CACNG7: variants seen among roughly 807,000 people sequenced by gnomAD.
CACNG7 encodes calcium voltage-gated channel auxiliary subunit gamma 7, also known as voltage-dependent calcium channel gamma-7 subunit.
In CACNG7, 9 loss-of-function variants were observed where a neutral mutation model predicts 26.3. The ratio of observed to expected loss-of-function variants is 0.34; its 90% CI spans 0.21 to 0.60. The LOEUF is 0.60. Ranked by LOEUF, CACNG7 falls within the 20% of genes least tolerant of loss-of-function variation. The pLI, the probability that CACNG7 is intolerant of heterozygous loss-of-function variation, is 0.81. For synonymous variants in CACNG7, 170 were observed against 157.0 expected, an observed-to-expected ratio of 1.08 and a Z score of -0.62; for missense variants, 297 against 380.4, an observed-to-expected ratio of 0.78 and a Z score of 1.82.
In CACNG7 at chr19:53,928,151, C is replaced by T. The variant is rs1028349617; in HGVS notation, c.424+12646C>T. On this transcript the variant is annotated intron_variant, in intron 4 of 5. Transcript: ENST00000391767. The stretch of plus-strand genomic sequence containing the variant: ...CAAAATGGCCAGAAAGAAAAAGCAA[C>T]GATAAGAATGACTTACTACAAAGAA... 4.6e-5 allele frequency among the ~76,000 whole-genome samples: 7 copies of T among 152,010 alleles called. No homozygotes were observed. In the East Asian group the frequency reaches 5.8e-4, roughly 13 times the overall value.
At position 53,923,754 on chromosome 19, in the gene CACNG7, G is replaced by A. The variant is rs559277600; in HGVS notation, c.424+8249G>A. Among the ~76,000 whole-genome samples the A allele has an allele frequency of 8.8e-4, 116 of 131,724 alleles. 1 individual carries two copies. The highest frequency in any genetic ancestry group is 3.3e-3 in the African/African-American group (98 of 29,660). The allele number at this position is 131,724 out of a possible 152,430, so 86.4% of individuals were successfully genotyped here. ...TGGAGTTGCCCCAGGTCTGGTCATT[G>A]GTGGAGTTGCCCCAGGTCTGGTCAT... On this transcript the variant is annotated intron_variant, in intron 4 of 5. Transcript: ENST00000391767.
At chr19:53,924,445 G>T (rs2069003966) in intron 4 of CACNG7, among the ~76,000 whole-genome samples, 1 of 145,772 alleles carries the variant, frequency 6.9e-6, no homozygotes, top group Admixed American at 6.9e-5. Context: ...TGGTGGAGTT[G>T]TCCCAGGTCT....
Position 53,939,088 on chromosome 19 carries a change from C to T in CACNG7, c.425-2382C>T, listed in dbSNP as rs1032457479. The stretch of plus-strand genomic sequence containing the variant: ...CCTGGTCAACATTGTGAAGCCCTGT[C>T]TCTACTAAAAATACAAAAATTAGCC... On this transcript the variant is annotated intron_variant, in intron 4 of 5. Coordinates refer to ENST00000391767, the MANE Select transcript of CACNG7 (RefSeq NM_031896.5). This position sits in a 1 kb window ranked among gnomAD's most constrained non-coding sequence, Gnocchi z 4.2. Among the ~76,000 whole-genome samples, 1 of 152,182 alleles carries T rather than the reference C, an allele frequency of 6.6e-6. No homozygotes were observed. The highest frequency in any genetic ancestry group is 1.5e-5 in the Non-Finnish European group (1 of 68,052).
chr19:53,923,968 T>C (rs1301073624), intron 4 of CACNG7, among the ~76,000 whole-genome samples: 2 of 126,982 alleles, frequency 1.6e-5, no homozygotes, highest in Admixed American at 7.9e-5. Context: ...AGGTCTGGTA[T>C]TGGTGGAGTT....
At chr19:53,932,700 T>A (rs897616412) in intron 4 of CACNG7, among the ~76,000 whole-genome samples, 2 of 152,164 alleles carry the variant, frequency 1.3e-5, no homozygotes, top group African/African-American at 4.8e-5. Flanking sequence ...CCCTCTCCTA[T>A]TTTTTTCTGG....
chr19:53,925,606 T>G (rs562653143), intron 4 of CACNG7, among the ~76,000 whole-genome samples: 1 of 152,106 alleles, frequency 6.6e-6, no homozygotes, highest in African/African-American at 2.4e-5. Context: ...ATTGGGGGAG[T>G]TGCCCCAGGT....
In CACNG7 at chr19:53,928,075, A is replaced by G. The variant is rs372062704; in HGVS notation, c.424+12570A>G. Among the ~76,000 whole-genome samples, 60 of 77,178 alleles carry G rather than the reference A, an allele frequency of 7.8e-4. No homozygotes were observed. In the African/African-American group the frequency reaches 8.5e-3, roughly 11 times the overall value. The allele number at this position is 77,178 out of a possible 152,430, so 50.6% of individuals were successfully genotyped here. ...GAGATAGAAAGGAGGAAGGGAGGGGAGAAAAAGAGAAAGGGAAAATAAGGT... is the reference window on the plus strand; with the variant it reads ...GAGATAGAAAGGAGGAAGGGAGGGGGGAAAAAGAGAAAGGGAAAATAAGGT... On this transcript the variant is annotated intron_variant, in intron 4 of 5. Coordinates refer to ENST00000391767, the MANE Select transcript of CACNG7 (RefSeq NM_031896.5).
At chr19:53,913,370 C>T (rs2068872974) in intron 2 of CACNG7, among the ~76,000 whole-genome samples, 1 of 151,746 alleles carries the variant, frequency 6.6e-6, no homozygotes, top group Non-Finnish European at 1.5e-5. Flanking sequence ...GCCTGTAATC[C>T]CAGCACTTTG....
At chr19:53,924,404 T>G in intron 4 of CACNG7, among the ~76,000 whole-genome samples, 1 of 145,188 alleles carries the variant, frequency 6.9e-6, no homozygotes, top group African/African-American at 2.6e-5. Context: ...CCAGGCCTGG[T>G]CATTGGTGGA....
intron 4 of CACNG7, among the ~76,000 whole-genome samples, chr19:53,924,456 G>T (rs2069004207): frequency 6.7e-6 from 1 of 150,284 alleles, no homozygotes; most frequent in African/African-American, 2.5e-5. Context: ...TCCCAGGTCT[G>T]GTCATTGGTG....
At chr19:53,927,769 C>T (rs1413504627) in intron 4 of CACNG7, among the ~76,000 whole-genome samples, 4 of 147,578 alleles carry the variant, frequency 2.7e-5, no homozygotes, top group African/African-American at 5.0e-5. Flanking sequence ...ACCCGGGAGG[C>T]GGAGGTTGCA....
At chr19:53,941,174 C>G (rs2069135187) in intron 4 of CACNG7, among the ~76,000 whole-genome samples, 1 of 152,208 alleles carries the variant, frequency 6.6e-6, no homozygotes, top group Non-Finnish European at 1.5e-5. Context: ...TCCCACACAG[C>G]GTGCTACTTC....
chr19:53,923,635 G>A (rs1194320680), intron 4 of CACNG7, among the ~76,000 whole-genome samples: 7 of 143,228 alleles, frequency 4.9e-5, no homozygotes, highest in Admixed American at 2.7e-4. Context: ...GTTGTCCCAG[G>A]TCTGGTCATT....
chr19:53,919,624 T>C (rs1394672570), intron 4 of CACNG7, among the ~76,000 whole-genome samples: 32 of 137,296 alleles, frequency 2.3e-4, no homozygotes, highest in African/African-American at 8.4e-4. Context: ...AGGCTGGTCA[T>C]TGGTGGACTT....
rs772758283 is a variant in CACNG7, at chr19:53,914,548, A to T, written c.245A>T (p.Glu82Val). 3.1e-6 allele frequency: 5 copies of T among 1,613,932 alleles called. No individual in the cohort carries two copies. Residue 82 changes from glutamate to valine, a missense_variant, in exon 3 of 6, where the codon GAG (glutamate) becomes GTG (valine). By Grantham distance (121) the Glu-to-Val change is moderately radical. Transcript: ENST00000391767. Reference sequence around the variant, plus strand: ...GCCTCAGAATATTTTCTTGAACCGGAGATCAATTTGGTGACGGAAAACACG... The same window carrying T: ...GCCTCAGAATATTTTCTTGAACCGGTGATCAATTTGGTGACGGAAAACACG... The part of the protein sequence containing the change: ...CVASEYFLEP[E>V]INLVTENTEN...
chr19:53,924,555 C>T (rs1361703726), intron 4 of CACNG7, among the ~76,000 whole-genome samples: 5 of 147,978 alleles, frequency 3.4e-5, no homozygotes, highest in African/African-American at 5.0e-5. Context: ...TGGAGTTGTC[C>T]GAGGTCTGGT....
intron 4 of CACNG7, among the ~76,000 whole-genome samples, chr19:53,926,109 G>A (rs1344148147): frequency 1.3e-5 from 2 of 152,200 alleles, no homozygotes; most frequent in Non-Finnish European, 2.9e-5. Flanking sequence ...TGTAGCCCAT[G>A]TGCACTCACT....
chr19:53,915,627 C>G lies in CACNG7; in HGVS notation c.424+122C>G, dbSNP rs2068892404. The G allele has an allele frequency of 1.5e-5, 16 of 1,093,782 alleles. No individual in the cohort carries two copies. The East Asian group carries it at 4.1e-4, about 28-fold the overall frequency. The allele number at this position is 1,093,782 out of a possible 1,614,324, so 67.8% of individuals were successfully genotyped here. A position where few individuals can be genotyped will look rare whatever the true frequency, so the allele number is the denominator to read the frequency against. On this transcript the variant is annotated intron_variant, in intron 4 of 5. Transcript: ENST00000391767. ...GGAGGAGGTGCAGACCCTCTCTGAG[C>G]CCCACTTTCCTTCTATGTGCAATGG...
At chr19:53,928,113 A>G (rs2069045841) in intron 4 of CACNG7, among the ~76,000 whole-genome samples, 1 of 152,062 alleles carries the variant, frequency 6.6e-6, no homozygotes, top group Non-Finnish European at 1.5e-5. Context: ...TTTTTGGAGA[A>G]CCAGGGCTAA....
Sources: gnomAD v4.1 joint callset for allele counts (sites outside exome capture counted in the v4.1 genomes callset) on GRCh38, gnomAD v4.1.1 for gene constraint, Gnocchi (gnomAD v3.1) non-coding constraint, MANE v1.5 for transcripts, NCBI Gene and HGNC (gene_info 2026-07-23, HGNC 2026-07-21) for gene names.